ADAMTS3: variants seen among roughly 807,000 people sequenced by gnomAD.
ADAMTS3 encodes the protein A disintegrin and metalloproteinase with thrombospondin motifs 3.
A neutral mutation model predicts 129.0 loss-of-function variants in ADAMTS3; 73 were observed. That is an observed-to-expected ratio of 0.57 (90% CI 0.47 to 0.69). The LOEUF (loss-of-function observed/expected upper bound fraction) is 0.69, where lower values mean the gene tolerates loss of function less well. ADAMTS3 is among the 30% of genes least tolerant of loss of function. ADAMTS3 has a pLI of 0.00. For missense variants in ADAMTS3, 1,457 were observed against 1,514.5 expected (o/e 0.96, Z 0.63); for synonymous variants, 477 against 510.8 (o/e 0.93, Z 0.89).
intron 4 of ADAMTS3, among the ~76,000 whole-genome samples, chr4:72,399,827 G>A (rs1266738732): frequency 4.3e-5 from 2 of 46,892 alleles, no homozygotes; most frequent in Admixed American, 2.5e-4. Context: ...GTGTATATAC[G>A]TGTGTATATA....
chr4:72,290,854 C>T lies in ADAMTS3; in HGVS notation c.2931+1G>A. 1 of 1,613,664 alleles carries T rather than the reference C, an allele frequency of 6.2e-7. No individual in the cohort carries two copies. The highest frequency in any genetic ancestry group is 8.5e-7 in the Non-Finnish European group (1 of 1,179,760). On this transcript the variant is annotated splice_donor_variant, in intron 20 of 21. Transcript: ENST00000286657. LOFTEE classifies it high-confidence loss of function. Reference sequence around the variant, plus strand: ...TGCATGCACGGAATTCACACACCTACCTCACTCCAGGGTCCTGTTTTCCAC... The same window carrying T: ...TGCATGCACGGAATTCACACACCTATCTCACTCCAGGGTCCTGTTTTCCAC...
At chr4:72,373,882 A>G (rs1179067821) in intron 4 of ADAMTS3, among the ~76,000 whole-genome samples, 1 of 150,650 alleles carries the variant, frequency 6.6e-6, no homozygotes, top group Non-Finnish European at 1.5e-5. Flanking sequence ...ACTCTGTGTC[A>G]GCAAGACCCC....
At chr4:72,490,904 T>C (rs560760963) in intron 3 of ADAMTS3, among the ~76,000 whole-genome samples, 1 of 152,048 alleles carries the variant, frequency 6.6e-6, no homozygotes, top group South Asian at 2.1e-4. Flanking sequence ...GCACTGAGTC[T>C]GTATATAACT....
chr4:72,550,767 G>A (rs1457101095), intron 2 of ADAMTS3, among the ~76,000 whole-genome samples: 1 of 152,098 alleles, frequency 6.6e-6, no homozygotes, highest in Non-Finnish European at 1.5e-5. Flanking sequence ...ATAAGAGAAT[G>A]AGCACAAGTG....
In ADAMTS3 at chr4:72,309,376, C is replaced by T. The variant is rs10024487; in HGVS notation, c.2179+21G>A. 1,606,784 of 1,610,098 alleles carry T rather than the reference C, an allele frequency of 1. 801,786 individuals are homozygous for T. The highest frequency in any genetic ancestry group is 1 in the East Asian group (44,758 of 44,758). ...CAAATCACAGAGAAGAATACTAAATCCATGAGAGACCTCATCTTACCAAGC... is the reference window on the plus strand; with the variant it reads ...CAAATCACAGAGAAGAATACTAAATTCATGAGAGACCTCATCTTACCAAGC... On this transcript the variant is annotated intron_variant, in intron 15 of 21. Coordinates refer to ENST00000286657, the MANE Select transcript of ADAMTS3 (RefSeq NM_014243.3).
chr4:72,327,358 A>G (rs1270573842), intron 5 of ADAMTS3, among the ~76,000 whole-genome samples: 3 of 152,186 alleles, frequency 2.0e-5, no homozygotes, highest in Non-Finnish European at 2.9e-5. Context: ...TTTAGTGAAA[A>G]GGAAAGTAAT....
intron 11 of ADAMTS3, among the ~76,000 whole-genome samples, chr4:72,314,949 T>C (rs1477488521): frequency 6.6e-6 from 1 of 152,228 alleles, no homozygotes; most frequent in East Asian, 1.9e-4. Flanking sequence ...GCTTTTCAAC[T>C]TGAGTTCTTA....
At chr4:72,555,720 G>A (rs1721746844) in intron 2 of ADAMTS3, among the ~76,000 whole-genome samples, 1 of 151,708 alleles carries the variant, frequency 6.6e-6, no homozygotes, top group South Asian at 2.1e-4. Flanking sequence ...GAAATCTCAT[G>A]TCAAATTGTA....
chr4:72,450,018 A>C (rs1195037129), intron 3 of ADAMTS3, among the ~76,000 whole-genome samples: 1 of 151,492 alleles, frequency 6.6e-6, no homozygotes, highest in Non-Finnish European at 1.5e-5. Context: ...TTGGTTTTCC[A>C]CCTATCTCTC....
At chr4:72,439,931 G>C (rs1190125540) in intron 3 of ADAMTS3, among the ~76,000 whole-genome samples, 1 of 151,484 alleles carries the variant, frequency 6.6e-6, no homozygotes, top group Non-Finnish European at 1.5e-5. Flanking sequence ...TCACTCAATT[G>C]TTTACAAATT....
chr4:72,564,486 A>G (rs1298383308), intron 2 of ADAMTS3, among the ~76,000 whole-genome samples: 1 of 152,152 alleles, frequency 6.6e-6, no homozygotes, highest in African/African-American at 2.4e-5. Context: ...ATACTTACAC[A>G]TATATACAGA....
intron 3 of ADAMTS3, among the ~76,000 whole-genome samples, chr4:72,517,100 G>A (rs942318444): frequency 6.6e-6 from 1 of 152,016 alleles, no homozygotes; most frequent in Admixed American, 6.6e-5. Context: ...TAATCATGTG[G>A]TTTTTGTCTT....
intron 3 of ADAMTS3, among the ~76,000 whole-genome samples, chr4:72,539,022 G>A (rs1244526020): frequency 6.6e-6 from 1 of 151,778 alleles, no homozygotes; most frequent in Non-Finnish European, 1.5e-5. Flanking sequence ...ATACAAAATG[G>A]ATCAAAGACC....
chr4:72,299,321 A>G (rs985168755), intron 17 of ADAMTS3, among the ~76,000 whole-genome samples: 2 of 151,926 alleles, frequency 1.3e-5, no homozygotes, highest in Non-Finnish European at 2.9e-5. Flanking sequence ...CTTTACCACA[A>G]TGCAAGATAT....
At chr4:72,317,173 T>C (rs1295574997) in intron 10 of ADAMTS3, among the ~76,000 whole-genome samples, 1 of 152,220 alleles carries the variant, frequency 6.6e-6, no homozygotes, top group East Asian at 1.9e-4. Flanking sequence ...TACACCCTTA[T>C]GTGCATAGAA....
intron 3 of ADAMTS3, among the ~76,000 whole-genome samples, chr4:72,426,874 A>G (rs1722587904): frequency 6.6e-6 from 1 of 152,124 alleles, no homozygotes; most frequent in Non-Finnish European, 1.5e-5. Flanking sequence ...AGTCTGGGCA[A>G]CAGGGCAAGA....
chr4:72,568,648 A>G, intron 1 of ADAMTS3, 46 bp downstream of exon 1: 1 of 1,433,160 alleles, frequency 7.0e-7, no homozygotes, highest in Non-Finnish European at 9.4e-7. Flanking sequence ...TTTTCGGGAA[A>G]AGGTTGGGTT....
chr4:72,527,810 G>A (rs562821135), intron 3 of ADAMTS3, among the ~76,000 whole-genome samples: 2 of 152,272 alleles, frequency 1.3e-5, no homozygotes, highest in Admixed American at 6.5e-5. Context: ...CAAGAGGAAG[G>A]AAGGACAGGG....
intron 3 of ADAMTS3, among the ~76,000 whole-genome samples, chr4:72,480,001 T>C (rs1309044758): frequency 2.0e-5 from 3 of 152,074 alleles, no homozygotes; most frequent in Non-Finnish European, 4.4e-5. Flanking sequence ...TGAGATACCA[T>C]CTCACACCAG....
Sources: gnomAD v4.1 joint callset for allele counts (sites outside exome capture counted in the v4.1 genomes callset) on GRCh38, gnomAD v4.1.1 for gene constraint, MANE v1.5 for transcripts, NCBI Gene and HGNC (gene_info 2026-07-23, HGNC 2026-07-21) for gene names.